Variants in UBE2D3 observed in about 807,000 individuals in gnomAD.
The protein encoded by UBE2D3 is ubiquitin conjugating enzyme E2 D3, also known as ubiquitin-conjugating enzyme E2 D3.
Under a neutral mutation model 22.8 loss-of-function variants are expected in UBE2D3, and 2 were observed. The observed-to-expected ratio is 0.09, with a 90% CI of 0.04 to 0.28. UBE2D3 has a LOEUF of 0.28. Ranked by LOEUF, UBE2D3 falls within the 10% of genes least tolerant of loss-of-function variation. UBE2D3 has a pLI of 1.00. For synonymous variants in UBE2D3, 56 were observed against 60.4 expected (o/e 0.93, Z 0.34); for missense variants, 27 against 182.5 (o/e 0.15, Z 4.91).
intron 1 of UBE2D3, among the ~76,000 whole-genome samples, chr4:102,847,322 G>T (rs150209711): frequency 4.1e-4 from 63 of 152,114 alleles, no homozygotes; most frequent in African/African-American, 1.4e-3. Context: ...GTCTCACTCC[G>T]TCGCCCAGGC....
At chr4:102,824,170 C>A (rs1304623029) in intron 2 of UBE2D3, among the ~76,000 whole-genome samples, 1 of 152,212 alleles carries the variant, frequency 6.6e-6, no homozygotes, top group Non-Finnish European at 1.5e-5. Flanking sequence ...CACATAAACA[C>A]TGGTTTTTCC....
At chr4:102,825,227 T>C in intron 2 of UBE2D3, 1 of 985,786 alleles carries the variant, frequency 1.0e-6, no homozygotes, top group African/African-American at 1.7e-5. Flanking sequence ...AACCAAAGTT[T>C]CTAACACTCA....
At chr4:102,864,202 G>T (rs1733040066) in intron 1 of UBE2D3, among the ~76,000 whole-genome samples, 1 of 152,158 alleles carries the variant, frequency 6.6e-6, no homozygotes, top group African/African-American at 2.4e-5. Flanking sequence ...AGTAGAATCA[G>T]AATTGTAGTC....
At chr4:102,801,289 T>C (rs1365875375) in intron 6 of UBE2D3, among the ~76,000 whole-genome samples, 165 bp downstream of exon 6, 1 of 152,010 alleles carries the variant, frequency 6.6e-6, no homozygotes, top group East Asian at 1.9e-4. Context: ...TCTCACAAAG[T>C]ATCTTTAATC....
chr4:102,827,585 C>A, upstream of UBE2D3: 1 of 987,202 alleles, frequency 1.0e-6, no homozygotes, highest in South Asian at 4.7e-5. Context: ...CCTCCCCCTC[C>A]TCCTGCCTCT....
chr4:102,826,035 T>C (rs1408156233), intron 2 of UBE2D3, among the ~76,000 whole-genome samples: 5 of 152,150 alleles, frequency 3.3e-5, no homozygotes, highest in Non-Finnish European at 1.5e-5. Flanking sequence ...CCAGATTTTT[T>C]TTCTCTCCTC....
intron 1 of UBE2D3, among the ~76,000 whole-genome samples, chr4:102,861,808 G>C (rs1249672180): frequency 6.6e-6 from 1 of 151,890 alleles, no homozygotes; most frequent in Non-Finnish European, 1.5e-5. Context: ...ATAATCTTTT[G>C]TCTAGTCAAT....
chr4:102,862,285 A>G (rs1201406107), intron 1 of UBE2D3, among the ~76,000 whole-genome samples: 1 of 151,966 alleles, frequency 6.6e-6, no homozygotes, highest in Non-Finnish European at 1.5e-5. Flanking sequence ...ATGTTCTAAT[A>G]AAAAAAGTTT....
rs540357813 is a variant in UBE2D3 at position 102,861,543 on chromosome 4, C to A, written c.-129+7172G>T. On this transcript the variant is annotated intron_variant, in intron 1 of 7. Transcript: ENST00000338145. ...AACTACAATATCGCAAAGCATTATG[C>A]AGGTTCCTTCTTCATGCCTAGTTCA... Among the ~76,000 whole-genome samples, 4 of 152,112 alleles carry A rather than the reference C, an allele frequency of 2.6e-5. No individual in the cohort carries two copies. The East Asian group carries it at 7.7e-4, about 29-fold the overall frequency.
chr4:102,809,948 T>C, intron 2 of UBE2D3, 93 bp from the exon 3 acceptor site: 1 of 1,217,696 alleles, frequency 8.2e-7, no homozygotes, highest in Non-Finnish European at 1.2e-6. Context: ...TCACCCTATT[T>C]TTAAAGGCAC....
At chr4:102,809,923 T>TC in intron 2 of UBE2D3, 68 bp from the exon 3 acceptor site, 1 of 1,474,682 alleles carries the variant, frequency 6.8e-7, no homozygotes, top group Non-Finnish European at 9.4e-7. Flanking sequence ...ATGAGTCCAC[T>TC]GCTTTCAGTT....
At chr4:102,799,666 C>T (rs570192132) in intron 6 of UBE2D3, among the ~76,000 whole-genome samples, 166 bp from the exon 7 acceptor site, 1 of 151,996 alleles carries the variant, frequency 6.6e-6, no homozygotes, top group African/African-American at 2.4e-5. Flanking sequence ...AGAAGACAAG[C>T]TCCTGGTAAG....
At chr4:102,827,709 C>T, upstream of UBE2D3, 3 of 931,862 alleles carry the variant, frequency 3.2e-6, no homozygotes, top group Non-Finnish European at 3.7e-6. Flanking sequence ...CGTGTCAAGC[C>T]CTTTTCCTTC....
In UBE2D3 at chr4:102,868,622, T is replaced by A. The variant is rs1023702614; in HGVS notation, c.-129+93A>T. The A allele has an allele frequency of 2.6e-6, 4 of 1,544,996 alleles. No individual in the cohort carries two copies. In the East Asian group the frequency reaches 9.0e-5, roughly 35 times the overall value. ...GGTCTGGGTAGGGGGAGGATACTCATGGGCGAGTATGCAACCCTAGGGCCA... is the reference window on the plus strand; with the variant it reads ...GGTCTGGGTAGGGGGAGGATACTCAAGGGCGAGTATGCAACCCTAGGGCCA... On this transcript the variant is annotated intron_variant, in intron 1 of 7. Coordinates refer to the UBE2D3 transcript ENST00000338145.
chr4:102,857,856 G>A (rs1210063229), intron 1 of UBE2D3, among the ~76,000 whole-genome samples: 1 of 151,876 alleles, frequency 6.6e-6, no homozygotes, highest in African/African-American at 2.4e-5. Context: ...ACCATGCCTG[G>A]CTAATTTTTT....
At position 102,827,535 on chromosome 4, in the gene UBE2D3, T is replaced by A. The variant is rs1730777448; in HGVS notation, c.-237A>T. ...ACGCGCACGACACAGCCACAAGATGTCCGCTCTGACGGAACTACTGCCAGC... is the reference window on the plus strand; with the variant it reads ...ACGCGCACGACACAGCCACAAGATGACCGCTCTGACGGAACTACTGCCAGC... On this transcript the variant is annotated 5_prime_UTR_variant, in exon 1 of 8. Transcript: ENST00000453744. 1.0e-6 allele frequency: 1 copy of A among 985,914 alleles called. No individual in the cohort carries two copies. The highest frequency in any genetic ancestry group is 4.7e-5 in the South Asian group (1 of 21,338). The allele number at this position is 985,914 out of a possible 1,614,324, so 61.1% of individuals were successfully genotyped here.
At chr4:102,824,017 C>T (rs771558313) in intron 2 of UBE2D3, among the ~76,000 whole-genome samples, 15 of 152,186 alleles carry the variant, frequency 9.9e-5, no homozygotes, top group Non-Finnish European at 2.1e-4. Flanking sequence ...AACCGAAGAG[C>T]ATTCCAGTTC....
intron 1 of UBE2D3, among the ~76,000 whole-genome samples, chr4:102,858,257 C>T (rs575097243): frequency 6.6e-6 from 1 of 152,016 alleles, no homozygotes; most frequent in East Asian, 1.9e-4. Context: ...AGTGTGTTAT[C>T]ATACAGCTCA....
chr4:102,868,865 C>T, exon 1 of UBE2D3: 2 of 1,522,302 alleles, frequency 1.3e-6, no homozygotes, highest in Non-Finnish European at 1.8e-6. Flanking sequence ...CCTCGCTACC[C>T]GCCAGTTCCC....
Sources: gnomAD v4.1 joint callset for allele counts (sites outside exome capture counted in the v4.1 genomes callset) on GRCh38, gnomAD v4.1.1 for gene constraint, MANE v1.5 for transcripts, NCBI Gene and HGNC (gene_info 2026-07-23, HGNC 2026-07-21) for gene names.